Variants in NTM observed in about 807,000 individuals in gnomAD.
The protein encoded by NTM is IgLON family member 2.
NTM carries 13 observed loss-of-function variants against 42.1 expected under a neutral mutation model. That is an observed-to-expected ratio of 0.31 (90% CI 0.20 to 0.49). The LOEUF is 0.49. Among genes scored for constraint, NTM ranks in the 20% least tolerant of loss-of-function variants. NTM has a pLI of 0.99. For missense variants in NTM, 373 were observed against 452.8 expected, an observed-to-expected ratio of 0.82 and a Z score of 1.60; for synonymous variants, 187 against 179.2, an observed-to-expected ratio of 1.04 and a Z score of -0.35.
At chr11:132,204,563 C>T (rs2081664006) in intron 3 of NTM, among the ~76,000 whole-genome samples, 1 of 151,940 alleles carries the variant, frequency 6.6e-6, no homozygotes, top group Non-Finnish European at 1.5e-5. Context: ...TTAGACAGAA[C>T]CAATGTGAGT....
intron 4 of NTM, among the ~76,000 whole-genome samples, chr11:132,255,614 T>C (rs531542018): frequency 2.0e-5 from 3 of 152,166 alleles, no homozygotes; most frequent in South Asian, 2.1e-4. Context: ...GGTGGTGAGA[T>C]CCACAGCTGT....
chr11:131,508,533 G>C (rs1264501103), intron 1 of NTM, among the ~76,000 whole-genome samples: 2 of 135,732 alleles, frequency 1.5e-5, no homozygotes, highest in Non-Finnish European at 3.2e-5. Context: ...TCCCATTACT[G>C]GGTATATACC....
At chr11:132,303,013 T>C (rs1235854932) in intron 4 of NTM, among the ~76,000 whole-genome samples, 1 of 152,256 alleles carries the variant, frequency 6.6e-6, no homozygotes, top group Non-Finnish European at 1.5e-5. Context: ...TAGTGAATTC[T>C]ACTGCAGACA....
At chr11:132,127,466 C>A (rs1229301744) in intron 2 of NTM, among the ~76,000 whole-genome samples, 1 of 152,204 alleles carries the variant, frequency 6.6e-6, no homozygotes, top group African/African-American at 2.4e-5. Flanking sequence ...GAGGCCTGAG[C>A]CCTCTATAAC....
chr11:132,294,580 A>G (rs1052095709), intron 4 of NTM, among the ~76,000 whole-genome samples: 2 of 152,172 alleles, frequency 1.3e-5, no homozygotes, highest in African/African-American at 4.8e-5. Flanking sequence ...GTCTAGAGGA[A>G]TGGGAATTAA....
In NTM at chr11:131,503,578, A is replaced by G. The variant is rs145801136; in HGVS notation, c.82+132690A>G. On this transcript the variant is annotated intron_variant, in intron 1 of 8. Transcript: ENST00000683400. ...TACTCTGTTGCTCAGGCTGGAGTGC[A>G]GTGGCACAGTCATGGCTCACTGTAG... Among the ~76,000 whole-genome samples the G allele has an allele frequency of 3.6e-4, 54 of 151,266 alleles. No individual in the cohort carries two copies. In the East Asian group the frequency reaches 8.9e-3, roughly 25 times the overall value.
At chr11:132,116,848 A>G (rs562287773) in intron 2 of NTM, among the ~76,000 whole-genome samples, 2 of 152,300 alleles carry the variant, frequency 1.3e-5, no homozygotes, top group East Asian at 3.9e-4. Flanking sequence ...CTTGAAAACT[A>G]GTGTAGTTAA....
At chr11:131,502,940 A>T (rs2047019264) in intron 1 of NTM, 1 of 152,220 alleles carries the variant, frequency 6.6e-6, no homozygotes, top group South Asian at 2.1e-4. Context: ...CCTCTGGCTG[A>T]TGGAGATCAA....
At chr11:131,666,377 G>A (rs1223071496) in intron 1 of NTM, among the ~76,000 whole-genome samples, 2 of 152,142 alleles carry the variant, frequency 1.3e-5, no homozygotes, top group African/African-American at 2.4e-5. Context: ...AAACAGCTAC[G>A]GCCAGACTCA....
intron 4 of NTM, among the ~76,000 whole-genome samples, chr11:132,250,903 T>C (rs1257551820): frequency 1.3e-5 from 2 of 152,340 alleles, no homozygotes; most frequent in Admixed American, 1.3e-4. Flanking sequence ...CTTAGTATCA[T>C]GTTTTCTTGT....
chr11:131,944,978 T>C (rs2060193344), intron 2 of NTM, among the ~76,000 whole-genome samples: 1 of 152,212 alleles, frequency 6.6e-6, no homozygotes, highest in Non-Finnish European at 1.5e-5. Context: ...CCAGCCTGGA[T>C]CTATTTGGGC....
At chr11:131,809,327 T>C (rs1368786740) in intron 1 of NTM, among the ~76,000 whole-genome samples, 1 of 152,206 alleles carries the variant, frequency 6.6e-6, no homozygotes, top group Non-Finnish European at 1.5e-5. Context: ...CTTGGGCAGC[T>C]GATTAACACT....
intron 1 of NTM, among the ~76,000 whole-genome samples, chr11:131,859,159 T>G (rs2046379321): frequency 6.6e-6 from 1 of 152,206 alleles, no homozygotes; most frequent in African/African-American, 2.4e-5. Context: ...ACACATCGGG[T>G]GTCTTCCTGG....
chr11:131,429,758 A>G (rs1948500178), intron 1 of NTM, among the ~76,000 whole-genome samples: 1 of 152,138 alleles, frequency 6.6e-6, no homozygotes, highest in Non-Finnish European at 1.5e-5. Context: ...CTGCTCACAC[A>G]GTGTTGCGCT....
At chr11:132,230,252 C>T (rs1197110650) in intron 4 of NTM, among the ~76,000 whole-genome samples, 1 of 152,174 alleles carries the variant, frequency 6.6e-6, no homozygotes, top group African/African-American at 2.4e-5. Context: ...ACAGTAGCAG[C>T]AAAGACTTCT....
intron 1 of NTM, among the ~76,000 whole-genome samples, chr11:131,882,796 A>T (rs983689951): frequency 2.0e-5 from 3 of 152,260 alleles, no homozygotes; most frequent in Admixed American, 1.3e-4. Flanking sequence ...GCTTAATTCA[A>T]GAGATCTTAT....
chr11:131,378,093 A>G (rs1402329048), intron 1 of NTM, among the ~76,000 whole-genome samples: 2 of 152,174 alleles, frequency 1.3e-5, no homozygotes, highest in East Asian at 3.9e-4. Flanking sequence ...AAAAATACCA[A>G]TGTCTGGACC....
intron 1 of NTM, among the ~76,000 whole-genome samples, chr11:131,515,331 A>G (rs774259067): frequency 2.1e-4 from 32 of 152,072 alleles, no homozygotes; most frequent in Non-Finnish European, 4.4e-4. Flanking sequence ...GGTGCCCAGA[A>G]CTCAGCGTGG....
At chr11:131,464,066 G>A (rs1951660322) in intron 1 of NTM, among the ~76,000 whole-genome samples, 1 of 152,210 alleles carries the variant, frequency 6.6e-6, no homozygotes, top group Non-Finnish European at 1.5e-5. Flanking sequence ...CTTGAGGACC[G>A]CGAGTTTCCT....
Sources: gnomAD v4.1 joint callset for allele counts (sites outside exome capture counted in the v4.1 genomes callset) on GRCh38, gnomAD v4.1.1 for gene constraint, MANE v1.5 for transcripts, NCBI Gene and HGNC (gene_info 2026-07-23, HGNC 2026-07-21) for gene names.